The following TMC5 variants were observed in gnomAD, a reference collection of about 807,000 sequenced individuals.
The protein encoded by TMC5 is transmembrane channel like 5, also known as transmembrane channel-like protein 5.
Under a neutral mutation model 110.5 loss-of-function variants are expected in TMC5, and 86 were observed. The ratio of observed to expected loss-of-function variants is 0.78; its 90% CI spans 0.65 to 0.93. TMC5 has a LOEUF of 0.93. TMC5 is among the 40% of genes least tolerant of loss of function. TMC5 has a pLI of 0.00. For synonymous variants in TMC5, 455 were observed against 439.5 expected (o/e 1.04, Z -0.44); for missense variants, 1,144 against 1,222.8 (o/e 0.94, Z 0.96).
chr16:19,472,361 C>A, intron 11 of TMC5, 118 bp downstream of exon 11: 1 of 1,164,358 alleles, frequency 8.6e-7, no homozygotes, highest in Non-Finnish European at 1.2e-6. Flanking sequence ...AGCATCAGCA[C>A]TAGCAGAGAA....
chr16:19,487,566 G>A (rs1276696542), intron 17 of TMC5, among the ~76,000 whole-genome samples: 3 of 152,044 alleles, frequency 2.0e-5, no homozygotes, highest in Non-Finnish European at 4.4e-5. Flanking sequence ...GCCAAGTGTG[G>A]TGGTGCATGC....
intron 1 of TMC5, among the ~76,000 whole-genome samples, chr16:19,425,346 T>TC (rs1208780324): frequency 7.5e-6 from 1 of 134,186 alleles, no homozygotes; most frequent in African/African-American, 2.6e-5. Flanking sequence ...TTTTTTTTTT[T>TC]CCTGTGCACC....
chr16:19,458,685 G>T (rs1266726412), intron 5 of TMC5, among the ~76,000 whole-genome samples: 1 of 152,134 alleles, frequency 6.6e-6, no homozygotes, highest in Non-Finnish European at 1.5e-5. Context: ...TGGCTCCCTG[G>T]ATCTCTGTAT....
chr16:19,438,256 A>G (rs1182932421), intron 2 of TMC5, among the ~76,000 whole-genome samples: 2 of 151,236 alleles, frequency 1.3e-5, no homozygotes, highest in Non-Finnish European at 2.9e-5. Flanking sequence ...TTAGGACCAC[A>G]AGATGCATGC....
chr16:19,481,306 C>A, intron 14 of TMC5, 64 bp from the exon 15 acceptor site: 1 of 1,154,168 alleles, frequency 8.7e-7, no homozygotes, highest in Non-Finnish European at 1.3e-6. Flanking sequence ...TTGTCCTAGT[C>A]TGTGGGGGAT....
rs550340003 is a variant in TMC5, at chr16:19,469,574, T to A, written c.1638-107T>A. ...AGGCCAACAGCTTGGGGCTAAGTCTTCACGTTGCCTTTCACCATTAATAAT... is the reference window on the plus strand; with the variant it reads ...AGGCCAACAGCTTGGGGCTAAGTCTACACGTTGCCTTTCACCATTAATAAT... On this transcript the variant is annotated intron_variant, in intron 9 of 21. Coordinates refer to ENST00000542583, the MANE Select transcript of TMC5 (RefSeq NM_001261841.2). 351 of 1,391,758 alleles carry A rather than the reference T, an allele frequency of 2.5e-4. 4 individuals carry two copies. The South Asian group carries it at 4.2e-3, about 17-fold the overall frequency. 86.2% of individuals were successfully genotyped at this position (1,391,758 alleles called of 1,614,324 possible). A position where few individuals can be genotyped will look rare whatever the true frequency, so the allele number is the denominator to read the frequency against.
intron 5 of TMC5, among the ~76,000 whole-genome samples, chr16:19,458,309 C>G (rs1374635118): frequency 6.6e-6 from 1 of 152,106 alleles, no homozygotes; most frequent in Admixed American, 6.5e-5. Flanking sequence ...CTCCTGGGTT[C>G]AAGCAATTAT....
rs1361267494 is a variant in TMC5 at position 19,490,425 on chromosome 16, T to C, written c.2604T>C (p.Phe868=). 1 of 1,614,198 alleles carries C rather than the reference T, an allele frequency of 6.2e-7. No individual in the cohort carries two copies. Among genetic ancestry groups the C allele is most frequent in the East Asian group, 2.2e-5 (1 of 44,880 alleles). Residue 868 remains phenylalanine (F), a synonymous_variant, in exon 18 of 22, where the codon TTT becomes TTC. Coordinates refer to ENST00000542583, the MANE Select transcript of TMC5 (RefSeq NM_001261841.2). ...RLKPSADCGP[F]RGLPLFIHSI... ...AGCCTTCAGCTGACTGTGGCCCTTT[T>C]CGAGGTCTGCCTCTCTTCATTCACT...
chr16:19,430,968 C>T (rs1482650110), intron 2 of TMC5, among the ~76,000 whole-genome samples: 4 of 150,926 alleles, frequency 2.7e-5, no homozygotes, highest in Non-Finnish European at 5.9e-5. Flanking sequence ...AAGCAATTCT[C>T]CTGCCTCAGC....
chr16:19,431,315 T>G (rs1967191609), intron 2 of TMC5, among the ~76,000 whole-genome samples: 1 of 151,782 alleles, frequency 6.6e-6, no homozygotes, highest in Non-Finnish European at 1.5e-5. Context: ...CCAAGGTGGG[T>G]GGATTGCCTG....
At chr16:19,445,291 T>C (rs1349315338) in intron 4 of TMC5, among the ~76,000 whole-genome samples, 3 of 151,670 alleles carry the variant, frequency 2.0e-5, no homozygotes, top group Non-Finnish European at 2.9e-5. Flanking sequence ...AGTGTCCTGC[T>C]CTGTCACCCA....
intron 18 of TMC5, among the ~76,000 whole-genome samples, chr16:19,491,533 A>AC (rs1968905442): frequency 8.5e-6 from 1 of 117,854 alleles, no homozygotes; most frequent in Admixed American, 9.2e-5. Context: ...TGTCTTAGGG[A>AC]TTTTTTTTTT....
At chr16:19,417,540 G>A (rs548021210), upstream of TMC5, among the ~76,000 whole-genome samples, 105 of 150,326 alleles carry the variant, frequency 7.0e-4, no homozygotes, top group African/African-American at 2.6e-3. Flanking sequence ...CACACTCTAG[G>A]GTTAAAAAAA....
chr16:19,465,131 CCCTT>C (rs1299407816), intron 8 of TMC5, among the ~76,000 whole-genome samples: 1 of 127,272 alleles, frequency 7.9e-6, no homozygotes, highest in African/African-American at 3.0e-5. Flanking sequence ...CTCCCTCCCT[CCCTT>C]CCTGGACCCC....
intron 17 of TMC5, among the ~76,000 whole-genome samples, chr16:19,488,062 G>A (rs1183240924): frequency 6.6e-6 from 1 of 152,120 alleles, no homozygotes; most frequent in East Asian, 1.9e-4. Context: ...ATTAGGGCAG[G>A]GGAGTGGTGG....
chr16:19,471,168 A>C (rs898142884), intron 10 of TMC5, among the ~76,000 whole-genome samples: 1 of 152,102 alleles, frequency 6.6e-6, no homozygotes, highest in Non-Finnish European at 1.5e-5. Flanking sequence ...AATTCACTGC[A>C]GTGTCGACCT....
chr16:19,456,928 A>T, intron 5 of TMC5: 1 of 1,614,242 alleles, frequency 6.2e-7, no homozygotes, highest in Non-Finnish European at 8.5e-7. Flanking sequence ...GGTTTTCAAC[A>T]TCTTTGAATG....
rs777754687 is a variant in TMC5, at chr16:19,444,224, T to C, written c.932T>C (p.Leu311Pro). The change falls in exon 4 of 22, where the codon CTG becomes CCG. Residue 311 changes from leucine (L) to proline (P), a missense_variant. By Grantham distance (98) the Leu-to-Pro change is moderately conservative. Coordinates refer to ENST00000542583, the MANE Select transcript of TMC5 (RefSeq NM_001261841.2). ...ATGGCAAACTCATATGGCCACTCTC[T>C]GCCAGGTGCTCCTGGAAGTGGCTAT... ...MEMANSYGHS[L>P]PGAPGSGYVN... is the part of the protein sequence containing the mutation. 2 of 1,613,954 alleles carry C rather than the reference T, an allele frequency of 1.2e-6. No homozygotes were observed. The highest frequency in any genetic ancestry group is 2.2e-5 in the South Asian group (2 of 91,072).
At chr16:19,492,085 C>A in intron 18 of TMC5, 65 bp from the exon 19 acceptor site, 1 of 1,275,846 alleles carries the variant, frequency 7.8e-7, no homozygotes. Context: ...CCTTTGCATC[C>A]AGTGGAAATT....
Sources: allele counts gnomAD v4.1 joint callset (sites outside exome capture counted in the v4.1 genomes callset), GRCh38; gene constraint gnomAD v4.1.1; transcripts MANE v1.5; gene names NCBI Gene and HGNC (gene_info 2026-07-23, HGNC 2026-07-21).